Variants in SHISA6 observed in about 807,000 individuals in gnomAD.
SHISA6 encodes shisa family member 6.
Under a neutral mutation model 47.9 loss-of-function variants are expected in SHISA6, and 22 were observed. The observed-to-expected ratio is 0.46, with a 90% confidence interval of 0.33 to 0.66. The LOEUF is 0.66. Ranked by LOEUF, SHISA6 falls within the 30% of genes least tolerant of loss-of-function variation. The pLI is 0.02. For missense variants in SHISA6, 680 were observed against 764.6 expected (o/e 0.89, Z 1.30); for synonymous variants, 388 against 337.8 (o/e 1.15, Z -1.63).
At chr17:11,304,741 G>A (rs936652154) in intron 2 of SHISA6, among the ~76,000 whole-genome samples, 1 of 152,088 alleles carries the variant, frequency 6.6e-6, no homozygotes, top group Non-Finnish European at 1.5e-5. Context: ...ACTTTCCAGG[G>A]ACACTTCAAG....
intron 2 of SHISA6, among the ~76,000 whole-genome samples, chr17:11,280,484 A>C (rs1306610322): frequency 6.6e-6 from 1 of 152,270 alleles, no homozygotes. Flanking sequence ...GCATGAATTC[A>C]GGAGTACAGA....
At chr17:11,510,797 C>T (rs377163690) in intron 3 of SHISA6, among the ~76,000 whole-genome samples, 12 of 152,296 alleles carry the variant, frequency 7.9e-5, no homozygotes, top group African/African-American at 2.2e-4. Flanking sequence ...ATTAACAGAG[C>T]TCAGTGCCTG....
intron 3 of SHISA6, among the ~76,000 whole-genome samples, chr17:11,384,314 C>G (rs78597698): frequency 0.033 from 4,982 of 152,270 alleles, 256 homozygotes; most frequent in African/African-American, 0.1. Context: ...GAAGATGACT[C>G]TTCTTATTAG....
intron 1 of SHISA6, among the ~76,000 whole-genome samples, chr17:11,245,511 G>T (rs913554392): frequency 6.6e-6 from 1 of 152,168 alleles, no homozygotes; most frequent in Non-Finnish European, 1.5e-5. Flanking sequence ...ATTCATTTTT[G>T]TGCTAGCTGT....
At chr17:11,273,690 G>C (rs1348812021) in intron 2 of SHISA6, among the ~76,000 whole-genome samples, 1 of 152,136 alleles carries the variant, frequency 6.6e-6, no homozygotes, top group Non-Finnish European at 1.5e-5. Context: ...CCCCCTCCCA[G>C]TAGATAGGAG....
chr17:11,481,773 G>T (rs1466167139), intron 3 of SHISA6, among the ~76,000 whole-genome samples: 1 of 151,986 alleles, frequency 6.6e-6, no homozygotes, highest in Non-Finnish European at 1.5e-5. Flanking sequence ...TTACAGGTGT[G>T]AGCCACCACG....
intron 2 of SHISA6, among the ~76,000 whole-genome samples, chr17:11,357,455 T>C (rs1036193866): frequency 1.3e-5 from 2 of 152,190 alleles, no homozygotes; most frequent in South Asian, 2.1e-4. Context: ...ATGACTCATA[T>C]TACATCCCAA....
intron 3 of SHISA6, among the ~76,000 whole-genome samples, chr17:11,531,887 T>C (rs1028767988): frequency 1.2e-4 from 19 of 152,228 alleles, no homozygotes; most frequent in African/African-American, 4.3e-4. Context: ...ATGGATAGGT[T>C]AATTAGCTTG....
chr17:11,509,026 G>A (rs1375363550), intron 3 of SHISA6, among the ~76,000 whole-genome samples: 1 of 152,172 alleles, frequency 6.6e-6, no homozygotes, highest in Non-Finnish European at 1.5e-5. Flanking sequence ...AGCACCAGCT[G>A]ATTATAAAAT....
chr17:11,460,897 C>G (rs1421831051), intron 3 of SHISA6, among the ~76,000 whole-genome samples: 1 of 152,192 alleles, frequency 6.6e-6, no homozygotes, highest in African/African-American at 2.4e-5. Flanking sequence ...CAGCAAAACA[C>G]TAGCAGAATG....
rs1309311257 is a variant in SHISA6, at chr17:11,350,340, C to T, written c.800-29074C>T. Among the ~76,000 whole-genome samples, 12 of 2,266 alleles carry T rather than the reference C, an allele frequency of 5.3e-3. 1 individual carries two copies. Among genetic ancestry groups the T allele is most frequent in the East Asian group, 0.17 (1 of 6 alleles). 1.5% of individuals were successfully genotyped at this position (2,266 alleles called of 152,430 possible). A position where few individuals can be genotyped will look rare whatever the true frequency, so the allele number is the denominator to read the frequency against. On this transcript the variant is annotated intron_variant, in intron 2 of 5. Transcript: ENST00000441885. The stretch of plus-strand genomic sequence containing the variant: ...GACTACAGGCGCCTGCCACCACGCC[C>T]GGCTAATTTTTTTGTCATTTTAGTA...
intron 2 of SHISA6, among the ~76,000 whole-genome samples, chr17:11,375,740 G>C (rs745845224): frequency 2.6e-5 from 4 of 152,186 alleles, no homozygotes; most frequent in Non-Finnish European, 5.9e-5. Context: ...ATTGTGCTGA[G>C]ATTTGGGAAA....
In SHISA6 at chr17:11,524,806, C is replaced by T. The variant is rs139733410; in HGVS notation, c.896-27090C>T. Among the ~76,000 whole-genome samples the T allele has an allele frequency of 2.7e-3, 406 of 152,162 alleles. 1 individual carries two copies. Among genetic ancestry groups the T allele is most frequent in the African/African-American group, 9.4e-3 (392 of 41,530 alleles). On this transcript the variant is annotated intron_variant, in intron 3 of 5. Transcript: ENST00000441885. ...GAGCCACTGCGCCCGGTCTATTTCTCTATAATTTCTGAATGTTTTGCAGCA... is the reference window on the plus strand; with the variant it reads ...GAGCCACTGCGCCCGGTCTATTTCTTTATAATTTCTGAATGTTTTGCAGCA...
intron 3 of SHISA6, among the ~76,000 whole-genome samples, chr17:11,513,469 A>G (rs2071558462): frequency 6.6e-6 from 1 of 152,192 alleles, no homozygotes; most frequent in Admixed American, 6.5e-5. Context: ...GTGGAGAAAG[A>G]TGTAACTTTT....
intron 3 of SHISA6, among the ~76,000 whole-genome samples, chr17:11,522,164 AC>A (rs1172443687): frequency 6.6e-6 from 1 of 151,804 alleles, no homozygotes; most frequent in African/African-American, 2.4e-5. Flanking sequence ...ACGGGGTTTC[AC>A]CGTGTTAGCC....
At chr17:11,347,506 A>T (rs1414311240) in intron 2 of SHISA6, among the ~76,000 whole-genome samples, 1 of 152,230 alleles carries the variant, frequency 6.6e-6, no homozygotes, top group Non-Finnish European at 1.5e-5. Context: ...CATATTTCAC[A>T]TGTATTATCT....
At chr17:11,265,526 C>G (rs1453038371) in intron 2 of SHISA6, among the ~76,000 whole-genome samples, 1 of 152,152 alleles carries the variant, frequency 6.6e-6, no homozygotes, top group Non-Finnish European at 1.5e-5. Flanking sequence ...ATAGAGGCAC[C>G]ATTGTAACTA....
At chr17:11,294,969 C>A (rs1239113708) in intron 2 of SHISA6, among the ~76,000 whole-genome samples, 1 of 152,144 alleles carries the variant, frequency 6.6e-6, no homozygotes. Flanking sequence ...AAAGCTTTTT[C>A]AAGCCCGCAC....
intron 2 of SHISA6, among the ~76,000 whole-genome samples, chr17:11,265,233 ACATGCGTCTAGTGGT>A (rs1908383333): frequency 6.6e-6 from 1 of 152,214 alleles, no homozygotes; most frequent in South Asian, 2.1e-4. Flanking sequence ...GGTGATTCTA[ACATGCGTCTAGTGGT>A]CAGAATCACT....
Sources: gnomAD v4.1 joint callset for allele counts (sites outside exome capture counted in the v4.1 genomes callset) on GRCh38, gnomAD v4.1.1 for gene constraint, MANE v1.5 for transcripts, NCBI Gene and HGNC (gene_info 2026-07-23, HGNC 2026-07-21) for gene names.